TBC1D8: variants seen among roughly 807,000 people sequenced by gnomAD.
TBC1D8 encodes TBC1 domain family member 8.
Under a neutral mutation model 118.8 loss-of-function variants are expected in TBC1D8, and 65 were observed. That is an observed-to-expected ratio of 0.55 (90% confidence interval 0.45 to 0.67). The LOEUF (loss-of-function observed/expected upper bound fraction) is 0.67. TBC1D8 is among the 30% of genes least tolerant of loss of function. The pLI is 0.00. For synonymous variants in TBC1D8, 566 were observed against 595.8 expected, an observed-to-expected ratio of 0.95 and a Z score of 0.73; for missense variants, 1,376 against 1,471.2, an observed-to-expected ratio of 0.94 and a Z score of 1.06.
chr2:101,070,845 A>C (rs957197725), intron 2 of TBC1D8, among the ~76,000 whole-genome samples: 1 of 152,210 alleles, frequency 6.6e-6, no homozygotes. Flanking sequence ...AAACCTAAAA[A>C]TGGTTACTGT....
At chr2:101,079,084 C>T (rs1301172374) in intron 2 of TBC1D8, among the ~76,000 whole-genome samples, 1 of 152,146 alleles carries the variant, frequency 6.6e-6, no homozygotes, top group East Asian at 1.9e-4. Flanking sequence ...CCAGGCAGCA[C>T]AAAGTCATGG....
At chr2:101,120,525 G>A (rs1456365269) in intron 1 of TBC1D8, among the ~76,000 whole-genome samples, 1 of 152,188 alleles carries the variant, frequency 6.6e-6, no homozygotes, top group Non-Finnish European at 1.5e-5. Context: ...AGGGACCTTT[G>A]TTATCTGATG....
At chr2:101,103,861 G>T (rs1372783288) in intron 1 of TBC1D8, among the ~76,000 whole-genome samples, 1 of 151,540 alleles carries the variant, frequency 6.6e-6, no homozygotes, top group African/African-American at 2.4e-5. Flanking sequence ...GATAAAAAGT[G>T]AAAATAAAAG....
intron 2 of TBC1D8, among the ~76,000 whole-genome samples, chr2:101,069,159 G>A (rs1251655304): frequency 6.6e-6 from 1 of 151,964 alleles, no homozygotes; most frequent in African/African-American, 2.4e-5. Flanking sequence ...TTAGCTGGGC[G>A]TGGTGGCAGG....
chr2:101,019,880 AAC>A (rs1558624456), intron 17 of TBC1D8, among the ~76,000 whole-genome samples: 1 of 151,884 alleles, frequency 6.6e-6, no homozygotes, highest in Non-Finnish European at 1.5e-5. Flanking sequence ...CATCCTGGCT[AAC>A]ACAGTGAAAC....
At chr2:101,095,874 G>A (rs1222750075) in intron 1 of TBC1D8, among the ~76,000 whole-genome samples, 4 of 152,058 alleles carry the variant, frequency 2.6e-5, no homozygotes, top group Non-Finnish European at 5.9e-5. Flanking sequence ...GTAAGGGTAG[G>A]AGGAACAGAA....
intron 4 of TBC1D8, 102 bp from the exon 5 acceptor site, chr2:101,050,743 T>G: frequency 1.4e-6 from 2 of 1,418,944 alleles, no homozygotes; most frequent in Non-Finnish European, 1.9e-6. Context: ...GGCCGATGTG[T>G]AAATGCCTTT....
At chr2:101,030,631 T>G (rs1680615741) in intron 11 of TBC1D8, among the ~76,000 whole-genome samples, 1 of 152,228 alleles carries the variant, frequency 6.6e-6, no homozygotes, top group Non-Finnish European at 1.5e-5. Flanking sequence ...ATCTAACCTA[T>G]GACCCCACAA....
rs137999577 is a variant in TBC1D8, at chr2:101,018,944, C to T, written c.2827+2737G>A. On this transcript the variant is annotated intron_variant, in intron 17 of 19. Coordinates refer to ENST00000409318, the MANE Select transcript of TBC1D8 (RefSeq NM_001330348.2). Reference sequence around the variant, plus strand: ...TGTCCTAATCTTCTGGAATGCTCTTCGTCTGTGTGTTACCTGACATGGTAC... The same window carrying T: ...TGTCCTAATCTTCTGGAATGCTCTTTGTCTGTGTGTTACCTGACATGGTAC... The T allele has an allele frequency of 7.6e-4, 1,216 of 1,593,146 alleles. 7 individuals carry two copies. The African/African-American group carries it at 8.6e-3, about 11-fold the overall frequency.
intron 19 of TBC1D8, 93 bp downstream of exon 19, chr2:101,010,836 C>T (rs999887205): frequency 5.8e-5 from 59 of 1,023,812 alleles, no homozygotes; most frequent in Non-Finnish European, 7.7e-5. Flanking sequence ...GGGCTGAGAT[C>T]GCGCCACTGT....
intron 1 of TBC1D8, among the ~76,000 whole-genome samples, chr2:101,146,688 C>A (rs958652395): frequency 6.6e-6 from 1 of 152,090 alleles, no homozygotes; most frequent in Non-Finnish European, 1.5e-5. Flanking sequence ...TTAGCATATC[C>A]ATTACCTCAT....
chr2:101,134,035 C>T (rs1196264220), intron 1 of TBC1D8, among the ~76,000 whole-genome samples: 1 of 152,142 alleles, frequency 6.6e-6, no homozygotes, highest in Non-Finnish European at 1.5e-5. Flanking sequence ...CTCCCTCCCT[C>T]GACATGTGGG....
chr2:101,104,111 T>A (rs1677046196), intron 1 of TBC1D8, among the ~76,000 whole-genome samples: 1 of 152,038 alleles, frequency 6.6e-6, no homozygotes, highest in Admixed American at 6.6e-5. Flanking sequence ...GGAAAAAAAA[T>A]TACCATTGAC....
intron 1 of TBC1D8, among the ~76,000 whole-genome samples, chr2:101,146,060 T>TTC (rs397709986): frequency 6.6e-6 from 1 of 151,878 alleles, no homozygotes; most frequent in Non-Finnish European, 1.5e-5. Context: ...TACTGTTTAT[T>TTC]AATTCTAAGC....
At chr2:101,117,664 C>T (rs527729668) in intron 1 of TBC1D8, among the ~76,000 whole-genome samples, 5 of 150,720 alleles carry the variant, frequency 3.3e-5, no homozygotes, top group Non-Finnish European at 5.9e-5. Context: ...AGCTCTGCCT[C>T]CCGGGTTCAC....
chr2:101,061,145 G>A (rs1465115251), intron 2 of TBC1D8, among the ~76,000 whole-genome samples: 2 of 129,298 alleles, frequency 1.5e-5, no homozygotes, highest in Admixed American at 9.9e-5. Flanking sequence ...CCGAGATCAC[G>A]CCATTGCAAT....
intron 2 of TBC1D8, among the ~76,000 whole-genome samples, chr2:101,077,223 C>T (rs1414762884): frequency 2.0e-5 from 3 of 148,510 alleles, no homozygotes; most frequent in Non-Finnish European, 4.5e-5. Context: ...CGGGGTTTCA[C>T]TGTGTTAGCC....
intron 1 of TBC1D8, among the ~76,000 whole-genome samples, chr2:101,125,753 T>C (rs552961174): frequency 1.3e-5 from 2 of 152,366 alleles, no homozygotes; most frequent in Middle Eastern, 3.4e-3. Flanking sequence ...GATATCTAAA[T>C]GTATTGTTTA....
chr2:101,022,898 T>C (rs967231682), intron 15 of TBC1D8, among the ~76,000 whole-genome samples: 8 of 152,002 alleles, frequency 5.3e-5, no homozygotes, highest in African/African-American at 1.9e-4. Flanking sequence ...ATCCTAGCAC[T>C]TTGGGAGACC....
Sources: allele counts gnomAD v4.1 joint callset (sites outside exome capture counted in the v4.1 genomes callset), GRCh38; gene constraint gnomAD v4.1.1; transcripts MANE v1.5; gene names NCBI Gene and HGNC (gene_info 2026-07-23, HGNC 2026-07-21).